PPP6R1: variants seen among roughly 807,000 people sequenced by gnomAD.
The protein encoded by PPP6R1 is protein phosphatase 6 regulatory subunit 1.
A neutral mutation model predicts 104.6 loss-of-function variants in PPP6R1; 39 were observed. The ratio of observed to expected loss-of-function variants is 0.37; its 90% confidence interval spans 0.29 to 0.49. The LOEUF (loss-of-function observed/expected upper bound fraction) is 0.49, where lower values mean the gene tolerates loss of function less well. PPP6R1 is among the 20% of genes least tolerant of loss of function. The pLI, the probability that PPP6R1 is intolerant of heterozygous loss-of-function variation, is 0.98. For missense variants in PPP6R1, 1,181 were observed against 1,155.8 expected (o/e 1.02, Z -0.32); for synonymous variants, 549 against 479.0 (o/e 1.15, Z -1.91).
intron 2 of PPP6R1, among the ~76,000 whole-genome samples, chr19:55,246,347 C>T (rs866221452): frequency 6.6e-6 from 1 of 151,032 alleles, no homozygotes; most frequent in South Asian, 2.1e-4. Flanking sequence ...ATCACTTGAA[C>T]TTGGGAGGAG....
chr19:55,240,813 C>T, intron 10 of PPP6R1, 132 bp downstream of exon 10: 1 of 1,302,080 alleles, frequency 7.7e-7, no homozygotes, highest in Non-Finnish European at 1.0e-6. Context: ...TCCCACACCC[C>T]ATCTGGGCGC....
In PPP6R1 at chr19:55,236,912, C is replaced by A; in HGVS notation, c.1809+1G>T. The A allele has an allele frequency of 6.2e-7, 1 of 1,612,990 alleles. No individual in the cohort carries two copies. The highest frequency in any genetic ancestry group is 2.2e-5 in the East Asian group (1 of 44,886). ...CAACCAGGGGACAGGGCAGTACTCA[C>A]GTTCTCATCGTCAGCATTGAGGGAG... On this transcript the variant is annotated splice_donor_variant, in intron 16 of 23. Transcript: ENST00000412770. LOFTEE classifies it high-confidence loss of function.
intron 17 of PPP6R1, among the ~76,000 whole-genome samples, chr19:55,234,950 GA>G (rs2087383109): frequency 6.6e-6 from 1 of 152,216 alleles, no homozygotes; most frequent in Admixed American, 6.5e-5. Context: ...TAACAGAGGG[GA>G]TGTGGGTACT....
downstream of PPP6R1, chr19:55,228,846 C>T (rs2087311399): frequency 2.6e-6 from 3 of 1,175,572 alleles, no homozygotes. Flanking sequence ...GTCCTGTGGA[C>T]TCTGTGACTG....
Position 55,240,276 on chromosome 19 carries a change from C to T in PPP6R1, c.1321G>A (p.Glu441Lys), listed in dbSNP as rs1326997837. 7 of 1,594,086 alleles carry T rather than the reference C, an allele frequency of 4.4e-6. No homozygotes were observed. Among genetic ancestry groups the T allele is most frequent in the Non-Finnish European group, 6.0e-6 (7 of 1,171,162 alleles). ...TCCTCCCAGGACGTCAGGATCCGCT[C>T]CACCAGGCGGCACTGCTGCAGCAGC... ...KHLLQQCRLV[E>K]RILTSWEEND... The change falls in exon 11 of 24, where the codon GAG (glutamate) becomes AAG (lysine). Residue 441 changes from glutamate to lysine, a missense_variant. Physicochemically the swap from Glu to Lys is moderately conservative, Grantham distance 56. Transcript: ENST00000412770.
At chr19:55,232,800 G>A (rs193075328) in intron 17 of PPP6R1, 17 of 152,602 alleles carry the variant, frequency 1.1e-4, no homozygotes, top group African/African-American at 2.9e-4. Context: ...AGCAACCTAC[G>A]TGCTGATCAA....
chr19:55,232,255 C>A, intron 17 of PPP6R1, 44 bp from the exon 18 acceptor site: 1 of 1,500,450 alleles, frequency 6.7e-7, no homozygotes, highest in Non-Finnish European at 8.9e-7. Flanking sequence ...TGGGACAGAC[C>A]GGCCGACACC....
chr19:55,231,874 G>A lies in PPP6R1; in HGVS notation c.2234C>T (p.Pro745Leu), dbSNP rs955618046. The change falls in exon 19 of 24, where the codon CCC (proline) becomes CTC (leucine). Residue 745 changes from proline (P) to leucine (L), a missense_variant. Around this residue, in one of 2 missense-constraint regions of PPP6R1, gnomAD observed 1,042 missense variants for 955.6 expected, o/e 1.09. Coordinates refer to ENST00000412770, the MANE Select transcript of PPP6R1 (RefSeq NM_014931.4). Reference sequence around the variant, plus strand: ...GGGGAGGCCCTGGGGCACACTGAGGGGCCCCTGTGGGGCTGGAGGCCCAGT... The same window carrying A: ...GGGGAGGCCCTGGGGCACACTGAGGAGCCCCTGTGGGGCTGGAGGCCCAGT... The part of the protein sequence containing the change: ...LHTGPPAPQG[P>L]LSVPQGLPTQ... The A allele has an allele frequency of 2.0e-6, 3 of 1,502,528 alleles. No homozygotes were observed. The highest frequency in any genetic ancestry group is 2.8e-5 in the African/African-American group (2 of 71,606). The allele number at this position is 1,502,528 out of a possible 1,614,324, so 93.1% of individuals were successfully genotyped here.
intron 10 of PPP6R1, 90 bp from the exon 11 acceptor site, chr19:55,240,390 G>T: frequency 7.6e-7 from 1 of 1,311,108 alleles, no homozygotes; most frequent in South Asian, 1.3e-5. Context: ...TTCCTCAGCA[G>T]ATGCTTCACC....
chr19:55,230,255 T>C lies in PPP6R1; in HGVS notation c.*273A>G, dbSNP rs1555884443. 2.4e-5 allele frequency: 13 copies of C among 538,716 alleles called. No homozygotes were observed. Among genetic ancestry groups the C allele is most frequent in the Non-Finnish European group, 6.7e-6 (2 of 300,490 alleles). 33.4% of individuals were successfully genotyped at this position (538,716 alleles called of 1,614,324 possible). Reference sequence around the variant, plus strand: ...CGCTCTCCTCCCTCTCTCTATATAATATATAATATATGTTTCTCTCTCTCC... The same window carrying C: ...CGCTCTCCTCCCTCTCTCTATATAACATATAATATATGTTTCTCTCTCTCC... On this transcript the variant is annotated 3_prime_UTR_variant, in exon 24 of 24. Transcript: ENST00000412770.
rs151103711 is a variant in PPP6R1 at position 55,250,300 on chromosome 19, C to T, written c.-6-3191G>A. Among the ~76,000 whole-genome samples, 192 of 152,346 alleles carry T rather than the reference C, an allele frequency of 1.3e-3. 3 individuals carry two copies. The East Asian group carries it at 0.035, about 28-fold the overall frequency. On this transcript the variant is annotated intron_variant, in intron 1 of 23. Coordinates refer to ENST00000412770, the MANE Select transcript of PPP6R1 (RefSeq NM_014931.4). Reference sequence around the variant, plus strand: ...AAACTGAGGCACACCAAAGTAAATGCCTATGCCCCGATCCAGGGGTTGGCG... The same window carrying T: ...AAACTGAGGCACACCAAAGTAAATGTCTATGCCCCGATCCAGGGGTTGGCG...
At chr19:55,239,355 G>A (rs74940974) in intron 15 of PPP6R1, 50 bp downstream of exon 15, 17,762 of 1,541,892 alleles carry the variant, frequency 0.012, 397 homozygotes, top group African/African-American at 0.088. Flanking sequence ...AGGCGCGCCT[G>A]CTGCTGCAGA....
chr19:55,236,529 G>C, intron 17 of PPP6R1, 114 bp downstream of exon 17: 1 of 1,196,010 alleles, frequency 8.4e-7, no homozygotes, highest in Non-Finnish European at 1.1e-6. Context: ...ACACACCAAT[G>C]CAGGTTCCTT....
At chr19:55,235,931 C>G (rs1376760781) in intron 17 of PPP6R1, among the ~76,000 whole-genome samples, 1 of 151,000 alleles carries the variant, frequency 6.6e-6, no homozygotes, top group Admixed American at 6.6e-5. Flanking sequence ...CTCCGCCCCC[C>G]AGGGTAAAGC....
intron 17 of PPP6R1, chr19:55,233,122 C>T (rs1259173881): frequency 6.6e-6 from 1 of 152,214 alleles, no homozygotes; most frequent in African/African-American, 2.4e-5. Flanking sequence ...GGACCACTGT[C>T]ATATGTGGTC....
chr19:55,251,782 C>T (rs1448711151), intron 1 of PPP6R1, among the ~76,000 whole-genome samples: 3 of 152,196 alleles, frequency 2.0e-5, no homozygotes, highest in African/African-American at 7.2e-5. Flanking sequence ...GGTGACTCAC[C>T]AGCGTGCTGA....
intron 10 of PPP6R1, 82 bp downstream of exon 10, chr19:55,240,863 G>T: frequency 6.6e-7 from 1 of 1,512,180 alleles, no homozygotes; most frequent in East Asian, 2.4e-5. Context: ...GTGGGAGGAA[G>T]GAGTGAGGGG....
chr19:55,250,361 G>A (rs1223518110), intron 1 of PPP6R1, among the ~76,000 whole-genome samples: 1 of 152,200 alleles, frequency 6.6e-6, no homozygotes, highest in Non-Finnish European at 1.5e-5. Flanking sequence ...TTCAGAAGTT[G>A]TATTTTCAGG....
chr19:55,253,539 G>C (rs2087569814), intron 1 of PPP6R1, among the ~76,000 whole-genome samples: 1 of 152,330 alleles, frequency 6.6e-6, no homozygotes, highest in South Asian at 2.1e-4. Flanking sequence ...CGGCATCCAA[G>C]AACTTCGGCC....
Sources: gnomAD v4.1 joint callset for allele counts (sites outside exome capture counted in the v4.1 genomes callset) on GRCh38, gnomAD v4.1.1 for gene constraint, gnomAD v4.1.1 regional missense constraint, MANE v1.5 for transcripts, NCBI Gene and HGNC (gene_info 2026-07-23, HGNC 2026-07-21) for gene names.